The following FHIT variants were observed in gnomAD, a reference collection of about 807,000 sequenced individuals.
The protein encoded by FHIT is fragile histidine triad diadenosine triphosphatase.
Under a neutral mutation model 17.9 loss-of-function variants are expected in FHIT, and 19 were observed. The ratio of observed to expected loss-of-function variants is 1.06; its 90% CI spans 0.74 to 1.56. The LOEUF is 1.56. Ranked by LOEUF, FHIT falls within the 40% of genes most tolerant of loss-of-function variation. FHIT has a pLI of 0.00. For missense variants in FHIT, 248 were observed against 189.2 expected, an observed-to-expected ratio of 1.31 and a Z score of -1.82; for synonymous variants, 81 against 69.7, an observed-to-expected ratio of 1.16 and a Z score of -0.81.
At chr3:60,842,623 ATGAGTGTATATATATATATATATTTTT>A (rs1177480223) in intron 3 of FHIT, among the ~76,000 whole-genome samples, 11 of 104,294 alleles carry the variant, frequency 1.1e-4, no homozygotes, top group South Asian at 2.9e-4. Context: ...ACATATATAT[ATGAGTGTATATATATATATATATTTTT>A]TTTTTTTTTT....
chr3:60,388,054 C>A (rs1576581847), intron 5 of FHIT, among the ~76,000 whole-genome samples: 2 of 152,248 alleles, frequency 1.3e-5, no homozygotes, highest in South Asian at 2.1e-4. Context: ...CTTCCTGAGG[C>A]CCTACCAGAA....
At chr3:60,664,474 G>A (rs1346646215) in intron 4 of FHIT, among the ~76,000 whole-genome samples, 1 of 151,626 alleles carries the variant, frequency 6.6e-6, no homozygotes, top group African/African-American at 2.4e-5. Context: ...TTCTTTGCCT[G>A]GTTTTGGTAT....
Position 60,767,766 on chromosome 3 carries a change from G to T in FHIT, c.-18+54153C>A, listed in dbSNP as rs140919803. Among the ~76,000 whole-genome samples, 1,266 of 152,308 alleles carry T rather than the reference G, an allele frequency of 8.3e-3. 11 individuals are homozygous for T. Among genetic ancestry groups the T allele is most frequent in the Middle Eastern group, 0.014 (4 of 294 alleles). On this transcript the variant is annotated intron_variant, in intron 4 of 9. Coordinates refer to ENST00000492590, the MANE Select transcript of FHIT (RefSeq NM_002012.4). ...CTTTCCCTCTTGTTAAGCAACTCTT[G>T]TTCTATTGCGCCCCAACAAGAGACA...
At chr3:60,798,899 A>G (rs782336587) in intron 4 of FHIT, among the ~76,000 whole-genome samples, 6 of 150,790 alleles carry the variant, frequency 4.0e-5, no homozygotes, top group Non-Finnish European at 7.4e-5. Flanking sequence ...CTGGGATCAC[A>G]GGTGTGCACC....
chr3:60,978,294 A>G (rs1313384161), intron 3 of FHIT, among the ~76,000 whole-genome samples: 3 of 152,186 alleles, frequency 2.0e-5, no homozygotes, highest in East Asian at 3.9e-4. Flanking sequence ...TTCTGATTCT[A>G]GAGTGGGGCC....
chr3:60,940,282 C>T (rs1193642290), intron 3 of FHIT, among the ~76,000 whole-genome samples: 3 of 152,006 alleles, frequency 2.0e-5, no homozygotes, highest in African/African-American at 7.3e-5. Context: ...CTCACGTGTG[C>T]CAAACTCTAA....
intron 5 of FHIT, among the ~76,000 whole-genome samples, chr3:60,531,515 T>C (rs914054757): frequency 4.6e-5 from 7 of 152,068 alleles, no homozygotes; most frequent in Non-Finnish European, 5.9e-5. Context: ...CCTGACCTCG[T>C]GATCCGCCCG....
intron 5 of FHIT, among the ~76,000 whole-genome samples, chr3:60,300,530 G>C (rs1258715408): frequency 1.3e-5 from 2 of 152,012 alleles, no homozygotes; most frequent in East Asian, 3.9e-4. Flanking sequence ...GTTTTTTCCT[G>C]TAAGATGGGG....
intron 5 of FHIT, among the ~76,000 whole-genome samples, chr3:60,242,533 T>C (rs933642172): frequency 6.6e-6 from 1 of 152,148 alleles, no homozygotes; most frequent in Non-Finnish European, 1.5e-5. Flanking sequence ...TTCACTACTA[T>C]CTGTAGCTTC....
intron 4 of FHIT, among the ~76,000 whole-genome samples, chr3:60,584,295 T>C (rs2037838254): frequency 6.6e-6 from 1 of 152,010 alleles, no homozygotes; most frequent in Non-Finnish European, 1.5e-5. Context: ...ATTAGGCTTT[T>C]TTTCCCCTCT....
At position 60,758,777 on chromosome 3, in the gene FHIT, C is replaced by A. The variant is rs1224316892; in HGVS notation, c.-18+63142G>T. Among the ~76,000 whole-genome samples, 3 of 152,180 alleles carry A rather than the reference C, an allele frequency of 2.0e-5. No homozygotes were observed. The East Asian group carries it at 5.8e-4, about 29-fold the overall frequency. ...TAGAGCAGAGACCAAAACAAAATGCCTACTCTCTTGGAGCTTACATTCTGG... is the reference window on the plus strand; with the variant it reads ...TAGAGCAGAGACCAAAACAAAATGCATACTCTCTTGGAGCTTACATTCTGG... On this transcript the variant is annotated intron_variant, in intron 4 of 9. Coordinates refer to ENST00000492590, the MANE Select transcript of FHIT (RefSeq NM_002012.4).
At chr3:60,437,484 C>T (rs967044404) in intron 5 of FHIT, among the ~76,000 whole-genome samples, 1 of 152,028 alleles carries the variant, frequency 6.6e-6, no homozygotes, top group Non-Finnish European at 1.5e-5. Flanking sequence ...GCTCTATGCC[C>T]GCCATGACAC....
chr3:60,072,442 C>T (rs1298151933), intron 5 of FHIT, among the ~76,000 whole-genome samples: 3 of 127,990 alleles, frequency 2.3e-5, no homozygotes, highest in South Asian at 5.0e-4. Context: ...AACAACAAAA[C>T]ATCGTCAACA....
chr3:60,357,394 TC>T (rs1699718557), intron 5 of FHIT, among the ~76,000 whole-genome samples: 1 of 151,966 alleles, frequency 6.6e-6, no homozygotes. Context: ...CAGGCACCCA[TC>T]ACCACACCTG....
At chr3:60,674,776 G>A (rs1384182790) in intron 4 of FHIT, among the ~76,000 whole-genome samples, 5 of 152,082 alleles carry the variant, frequency 3.3e-5, no homozygotes, top group Non-Finnish European at 5.9e-5. Context: ...GTCTTTGTTC[G>A]GCTCTTGGTC....
chr3:61,150,422 C>T (rs1207379452), intron 2 of FHIT, among the ~76,000 whole-genome samples: 1 of 152,050 alleles, frequency 6.6e-6, no homozygotes, highest in Non-Finnish European at 1.5e-5. Context: ...CCTCCCACCT[C>T]AGCCTCCCAA....
At chr3:60,315,240 A>T (rs1282247145) in intron 5 of FHIT, among the ~76,000 whole-genome samples, 1 of 152,206 alleles carries the variant, frequency 6.6e-6, no homozygotes, top group East Asian at 1.9e-4. Context: ...ACATAATAAT[A>T]ATAAATTGTC....
chr3:60,539,941 A>G (rs926228368), intron 4 of FHIT, among the ~76,000 whole-genome samples: 4 of 150,296 alleles, frequency 2.7e-5, no homozygotes, highest in African/African-American at 9.7e-5. Context: ...AAAGTATAAT[A>G]AAAATATATA....
chr3:61,065,565 G>A (rs1263090955), intron 2 of FHIT, among the ~76,000 whole-genome samples: 1 of 152,084 alleles, frequency 6.6e-6, no homozygotes, highest in African/African-American at 2.4e-5. Context: ...TCAGTCTACT[G>A]CGCTTCCCCA....
Sources: gnomAD v4.1 joint callset for allele counts (sites outside exome capture counted in the v4.1 genomes callset) on GRCh38, gnomAD v4.1.1 for gene constraint, MANE v1.5 for transcripts, NCBI Gene and HGNC (gene_info 2026-07-23, HGNC 2026-07-21) for gene names.